KLHL22: variants seen among roughly 807,000 people sequenced by gnomAD.
KLHL22 encodes kelch like family member 22, also known as kelch-like protein 22.
A neutral mutation model predicts 60.7 loss-of-function variants in KLHL22; 18 were observed. The ratio of observed to expected loss-of-function variants is 0.30; its 90% confidence interval spans 0.20 to 0.44. The LOEUF (loss-of-function observed/expected upper bound fraction) is 0.44. Ranked by LOEUF, KLHL22 falls within the 20% of genes least tolerant of loss-of-function variation. The probability of loss-of-function intolerance (pLI) is 1.00; values close to 1 mark genes in which losing one functional copy is unlikely to be tolerated. For synonymous variants in KLHL22, 355 were observed against 354.5 expected, an observed-to-expected ratio of 1.00 and a Z score of -0.01; for missense variants, 596 against 852.3, an observed-to-expected ratio of 0.70 and a Z score of 3.74.
intron 3 of KLHL22, among the ~76,000 whole-genome samples, chr22:20,470,614 AC>A (rs2053299723): frequency 6.6e-6 from 1 of 152,142 alleles, no homozygotes; most frequent in South Asian, 2.1e-4. Flanking sequence ...GTGCCACTGC[AC>A]TCCAGCCTGG....
At chr22:20,469,360 G>A (rs796739674) in intron 3 of KLHL22, among the ~76,000 whole-genome samples, 139 of 152,240 alleles carry the variant, frequency 9.1e-4, no homozygotes, top group African/African-American at 3.3e-3. Context: ...AGGACACACA[G>A]AGCAGGGGGA....
intron 3 of KLHL22, among the ~76,000 whole-genome samples, chr22:20,470,699 G>C (rs886893286): frequency 1.3e-5 from 2 of 150,254 alleles, no homozygotes; most frequent in African/African-American, 2.5e-5. Flanking sequence ...TGGATGGATG[G>C]ATGGATGGAT....
intron 3 of KLHL22, among the ~76,000 whole-genome samples, chr22:20,466,719 T>C (rs552585463): frequency 3.1e-4 from 47 of 152,324 alleles, no homozygotes; most frequent in African/African-American, 1.1e-3. Flanking sequence ...TGCAGTGCCA[T>C]GGCAAGATCA....
chr22:20,492,840 C>T (rs1220551976), intron 1 of KLHL22, among the ~76,000 whole-genome samples: 1 of 152,224 alleles, frequency 6.6e-6, no homozygotes, highest in Non-Finnish European at 1.5e-5. Context: ...GATCCATCTG[C>T]CTTGACCTCC....
At chr22:20,471,139 A>T (rs1195351724) in intron 3 of KLHL22, among the ~76,000 whole-genome samples, 2 of 152,292 alleles carry the variant, frequency 1.3e-5, no homozygotes, top group South Asian at 4.1e-4. Flanking sequence ...GAAGAGGGCA[A>T]AGGCAGAGGC....
chr22:20,471,622 C>T lies in KLHL22; in HGVS notation c.228-107G>A, dbSNP rs528782546. On this transcript the variant is annotated intron_variant, in intron 2 of 6. Transcript: ENST00000328879. ...AAGAACCTGGCGCTGGTGGCAGGGC[C>T]CTGGTAGTGGGCTGACCCACTCTGT... The T allele has an allele frequency of 1.1e-5, 13 of 1,234,472 alleles. No homozygotes were observed. The South Asian group carries it at 1.6e-4, about 16-fold the overall frequency. The allele number at this position is 1,234,472 out of a possible 1,614,324, so 76.5% of individuals were successfully genotyped here. A position where few individuals can be genotyped will look rare whatever the true frequency, so the allele number is the denominator to read the frequency against.
At position 20,462,364 on chromosome 22, in the gene KLHL22, T is replaced by A. The variant is rs543806868; in HGVS notation, c.1112+2494A>T. On this transcript the variant is annotated intron_variant, in intron 4 of 6. Transcript: ENST00000328879. ...AAAAATTACATTATTATTTAAAAAA[T>A]TTTTTTTAGAGACAGGGTCTCACTC... 2.9e-3 allele frequency among the ~76,000 whole-genome samples: 433 copies of A among 151,280 alleles called. 2 individuals are homozygous for A. Among genetic ancestry groups the A allele is most frequent in the Middle Eastern group, 0.02 (6 of 294 alleles).
intron 4 of KLHL22, 120 bp from the exon 5 acceptor site, chr22:20,458,120 A>G (rs1482367823): frequency 3.9e-5 from 40 of 1,019,094 alleles, no homozygotes; most frequent in South Asian, 2.8e-4. Context: ...ACCCTCCCCA[A>G]CTACCCCACA....
chr22:20,451,202 TG>T, intron 5 of KLHL22: 1 of 1,597,816 alleles, frequency 6.3e-7, no homozygotes, highest in Non-Finnish European at 8.6e-7. Context: ...TGGTATTCTG[TG>T]GCCCCTATGA....
chr22:20,482,993 T>C, intron 2 of KLHL22: 2 of 719,118 alleles, frequency 2.8e-6, no homozygotes, highest in Non-Finnish European at 5.0e-6. Flanking sequence ...AGCCTCCAGC[T>C]TGACCTTAAC....
At chr22:20,474,062 C>A (rs181310028) in intron 2 of KLHL22, among the ~76,000 whole-genome samples, 2,039 of 152,144 alleles carry the variant, frequency 0.013, 45 homozygotes, top group African/African-American at 0.047. Context: ...TGCAGTGGTG[C>A]GATCTTGGCT....
At chr22:20,485,868 AAAAC>A (rs552874845) in intron 2 of KLHL22, among the ~76,000 whole-genome samples, 37 of 151,418 alleles carry the variant, frequency 2.4e-4, no homozygotes, top group South Asian at 2.1e-3. Flanking sequence ...ACTCCATCTC[AAAAC>A]AAACAAACAA....
At position 20,489,110 on chromosome 22, in the gene KLHL22, C is replaced by T. The variant is rs1408076884; in HGVS notation, c.102G>A (p.Gln34=). The stretch of plus-strand genomic sequence containing the variant: ...GAGCCAGCAGCCCTCGGAGCAGAGC[C>T]TGGGAGTGCTGTGCGCTGCGGTAGG... ...NNTYRSAQHS[Q]ALLRGLLALR... is the part of the protein sequence containing the mutation. Residue 34 remains glutamine, a synonymous_variant, in exon 2 of 7, where the codon CAG becomes CAA. Transcript: ENST00000328879. 56 of 1,614,046 alleles carry T rather than the reference C, an allele frequency of 3.5e-5. No individual in the cohort carries two copies. The highest frequency in any genetic ancestry group is 4.7e-5 in the Non-Finnish European group (56 of 1,180,040).
chr22:20,479,389 C>G (rs2053464679), intron 2 of KLHL22, among the ~76,000 whole-genome samples: 1 of 152,006 alleles, frequency 6.6e-6, no homozygotes, highest in South Asian at 2.1e-4. Flanking sequence ...AACAACAAAA[C>G]AAACAAACAA....
At chr22:20,450,241 A>G in intron 5 of KLHL22, 1 of 864,526 alleles carries the variant, frequency 1.2e-6, no homozygotes, top group African/African-American at 1.6e-5. Context: ...TGAGTAGAGC[A>G]GAAAGACTTT....
intron 2 of KLHL22, among the ~76,000 whole-genome samples, chr22:20,478,704 C>T (rs1483959151): frequency 6.1e-5 from 9 of 148,356 alleles, no homozygotes; most frequent in East Asian, 2.0e-4. Context: ...TTAGTAGAGA[C>T]GGGGTTTCAC....
intron 4 of KLHL22, among the ~76,000 whole-genome samples, chr22:20,463,275 T>C (rs888407495): frequency 6.6e-6 from 1 of 152,182 alleles, no homozygotes; most frequent in African/African-American, 2.4e-5. Flanking sequence ...GACTGGTTAT[T>C]GGTTACAGGG....
intron 3 of KLHL22, 29 bp downstream of exon 3, chr22:20,471,321 T>C (rs374952684): frequency 6.2e-7 from 1 of 1,605,154 alleles, no homozygotes; most frequent in African/African-American, 1.3e-5. Flanking sequence ...TGGGTGTGGG[T>C]CTGCCTTGCT....
intron 2 of KLHL22, among the ~76,000 whole-genome samples, chr22:20,476,482 G>A (rs964119165): frequency 1.4e-5 from 2 of 143,514 alleles, no homozygotes; most frequent in East Asian, 2.2e-4. Context: ...GCGCGATCTC[G>A]GCTCACTGCA....
Sources: allele counts gnomAD v4.1 joint callset (sites outside exome capture counted in the v4.1 genomes callset), GRCh38; gene constraint gnomAD v4.1.1; transcripts MANE v1.5; gene names NCBI Gene and HGNC (gene_info 2026-07-23, HGNC 2026-07-21).